CFAP77: variants seen among roughly 807,000 people sequenced by gnomAD.
The protein encoded by CFAP77 is cilia and flagella associated protein 77.
A neutral mutation model predicts 31.1 loss-of-function variants in CFAP77; 25 were observed. The observed-to-expected ratio is 0.80, with a 90% CI of 0.59 to 1.12. The LOEUF (loss-of-function observed/expected upper bound fraction) is 1.12. Ranked by LOEUF, CFAP77 falls within the 50% of genes most tolerant of loss-of-function variation. The probability of loss-of-function intolerance (pLI) is 0.00; values close to 1 mark genes in which losing one functional copy is unlikely to be tolerated. For synonymous variants in CFAP77, 151 were observed against 159.9 expected (o/e 0.94, Z 0.42); for missense variants, 377 against 397.3 (o/e 0.95, Z 0.44).
intron 1 of CFAP77, among the ~76,000 whole-genome samples, chr9:132,474,775 T>C (rs1192899079): frequency 6.6e-6 from 1 of 152,216 alleles, no homozygotes; most frequent in Admixed American, 6.5e-5. Context: ...CAGAAATGCC[T>C]GGAGGAAGTT....
chr9:132,526,100 A>G (rs914811162), intron 3 of CFAP77, among the ~76,000 whole-genome samples: 1 of 152,272 alleles, frequency 6.6e-6, no homozygotes, highest in African/African-American at 2.4e-5. Flanking sequence ...ACAAATAATC[A>G]AGTAAAGCTG....
chr9:132,568,258 T>C (rs1377111804), intron 5 of CFAP77, among the ~76,000 whole-genome samples: 2 of 152,166 alleles, frequency 1.3e-5, no homozygotes, highest in African/African-American at 4.8e-5. Context: ...CTAGAGTTAA[T>C]AATAGTGCAT....
At chr9:132,512,160 G>T (rs1852052277) in intron 3 of CFAP77, among the ~76,000 whole-genome samples, 1 of 152,188 alleles carries the variant, frequency 6.6e-6, no homozygotes, top group South Asian at 2.1e-4. Context: ...CTCTAGGGGA[G>T]GGTCTCCGAC....
intron 5 of CFAP77, among the ~76,000 whole-genome samples, chr9:132,562,640 G>A (rs1350057786): frequency 6.6e-6 from 1 of 152,164 alleles, no homozygotes; most frequent in Non-Finnish European, 1.5e-5. Flanking sequence ...GTCCACTGCA[G>A]TAGCCACTGG....
intron 1 of CFAP77, among the ~76,000 whole-genome samples, chr9:132,442,052 C>T (rs1347119087): frequency 6.6e-6 from 1 of 152,148 alleles, no homozygotes; most frequent in East Asian, 1.9e-4. Context: ...TATTTGGCAC[C>T]TACTACTATG....
At chr9:132,446,473 G>A (rs1054652320) in intron 1 of CFAP77, among the ~76,000 whole-genome samples, 1 of 152,166 alleles carries the variant, frequency 6.6e-6, no homozygotes. Context: ...GGGCGTGGTG[G>A]CTCACGCCTG....
At chr9:132,560,557 C>T (rs914691440) in intron 5 of CFAP77, among the ~76,000 whole-genome samples, 4 of 152,156 alleles carry the variant, frequency 2.6e-5, no homozygotes, top group Non-Finnish European at 4.4e-5. Flanking sequence ...TATGGCTTCT[C>T]GAAGGAGCAA....
rs1272599622 is a variant in CFAP77, at chr9:132,476,305, TGCTCTGAGAAACCTTCCCCTA to T, written c.196-22388_196-22368del. On this transcript the variant is annotated intron_variant, in intron 1 of 5. Transcript: ENST00000393216. ...CTTACTCACTGTGTCCCATACCGCATGCTCTGAGAAACCTTCCCCTAGTGACCCACCCTCCTCTTGTGGGGC... is the reference window on the plus strand; with the variant it reads ...CTTACTCACTGTGTCCCATACCGCATGTGACCCACCCTCCTCTTGTGGGGC... Among the ~76,000 whole-genome samples the T allele has an allele frequency of 2.0e-5, 3 of 152,124 alleles. No individual in the cohort carries two copies. In the East Asian group the frequency reaches 5.8e-4, roughly 29 times the overall value.
intron 5 of CFAP77, among the ~76,000 whole-genome samples, chr9:132,551,434 T>C (rs1291866774): frequency 1.3e-5 from 2 of 152,214 alleles, no homozygotes; most frequent in Admixed American, 1.3e-4. Context: ...TAGCTGGGAT[T>C]ACAGACATCC....
chr9:132,487,289 C>T (rs1267295347), intron 1 of CFAP77, among the ~76,000 whole-genome samples: 1 of 152,044 alleles, frequency 6.6e-6, no homozygotes, highest in African/African-American at 2.4e-5. Flanking sequence ...GCTGGGAGTC[C>T]GACTCAGCTC....
In CFAP77 at chr9:132,499,683, G is replaced by A. The variant is rs1851810914; in HGVS notation, c.524+83G>A. ...TCAGGGACAAGGTCGGAGGGTGACAGGGAAGTGGAGCATCCTCCCAGCCCC... is the reference window on the plus strand; with the variant it reads ...TCAGGGACAAGGTCGGAGGGTGACAAGGAAGTGGAGCATCCTCCCAGCCCC... On this transcript the variant is annotated intron_variant, in intron 3 of 5. Coordinates refer to ENST00000393216, the MANE Select transcript of CFAP77 (RefSeq NM_001282957.2). The surrounding 1 kb of genome is among the most constrained non-coding windows in gnomAD (Gnocchi z 5.4). The A allele has an allele frequency of 8.0e-7, 1 of 1,246,438 alleles. No individual in the cohort carries two copies. The highest frequency in any genetic ancestry group is 1.5e-5 in the African/African-American group (1 of 67,642). 77.2% of individuals were successfully genotyped at this position (1,246,438 alleles called of 1,614,324 possible).
At chr9:132,431,970 T>G (rs1850418140) in intron 1 of CFAP77, among the ~76,000 whole-genome samples, 1 of 152,152 alleles carries the variant, frequency 6.6e-6, no homozygotes. Flanking sequence ...TCCTGGCTAT[T>G]CAAACGAGAT....
chr9:132,458,586 A>G (rs1346783125), intron 1 of CFAP77, among the ~76,000 whole-genome samples: 3 of 152,172 alleles, frequency 2.0e-5, no homozygotes, highest in Admixed American at 1.3e-4. Flanking sequence ...GGGAATTAGC[A>G]TTGGGTAGCT....
intron 4 of CFAP77, among the ~76,000 whole-genome samples, chr9:132,538,513 C>T (rs1196214891): frequency 4.6e-5 from 7 of 152,210 alleles, no homozygotes; most frequent in Non-Finnish European, 7.3e-5. Context: ...AGGCCGGGCG[C>T]GGTGGCTCAC....
At chr9:132,485,097 A>G (rs1851518188) in intron 1 of CFAP77, among the ~76,000 whole-genome samples, 2 of 152,162 alleles carry the variant, frequency 1.3e-5, no homozygotes, top group South Asian at 4.1e-4. Flanking sequence ...CCTGGCCCTC[A>G]TCTTTAACTT....
chr9:132,518,880 G>A (rs913229460), intron 3 of CFAP77, among the ~76,000 whole-genome samples: 1 of 152,212 alleles, frequency 6.6e-6, no homozygotes, highest in African/African-American at 2.4e-5. Context: ...AGGGCGATAG[G>A]GCTGCAGCGT....
At chr9:132,520,445 A>G (rs1852246574) in intron 3 of CFAP77, among the ~76,000 whole-genome samples, 1 of 152,058 alleles carries the variant, frequency 6.6e-6, no homozygotes, top group Non-Finnish European at 1.5e-5. Flanking sequence ...CAGGTGTTCA[A>G]TACCAGCCTG....
intron 3 of CFAP77, among the ~76,000 whole-genome samples, chr9:132,525,613 T>C (rs1488110840): frequency 2.0e-5 from 3 of 152,206 alleles, no homozygotes; most frequent in South Asian, 2.1e-4. Flanking sequence ...CATCTGCATG[T>C]GGGCATGTGT....
At chr9:132,472,181 C>T (rs1396700717) in intron 1 of CFAP77, among the ~76,000 whole-genome samples, 3 of 152,160 alleles carry the variant, frequency 2.0e-5, no homozygotes, top group Non-Finnish European at 4.4e-5. Flanking sequence ...AATTGTGTCT[C>T]TCACTTCAAT....
Sources: gnomAD v4.1 joint callset for allele counts (sites outside exome capture counted in the v4.1 genomes callset) on GRCh38, gnomAD v4.1.1 for gene constraint, Gnocchi (gnomAD v3.1) non-coding constraint, MANE v1.5 for transcripts, NCBI Gene and HGNC (gene_info 2026-07-23, HGNC 2026-07-21) for gene names.